The following CADPS variants were observed in gnomAD, a reference collection of about 807,000 sequenced individuals.
CADPS encodes the protein calcium dependent secretion activator, also known as calcium-dependent secretion activator 1.
In CADPS, 57 loss-of-function variants were observed where a neutral mutation model predicts 167.3. The ratio of observed to expected loss-of-function variants is 0.34; its 90% CI spans 0.28 to 0.42. CADPS has a LOEUF of 0.42. Ranked by LOEUF, CADPS falls within the 20% of genes least tolerant of loss-of-function variation. CADPS has a pLI of 1.00. For missense variants in CADPS, 1,414 were observed against 1,738.1 expected, an observed-to-expected ratio of 0.81 and a Z score of 3.32; for synonymous variants, 676 against 635.3, an observed-to-expected ratio of 1.06 and a Z score of -0.96.
At chr3:62,616,765 G>T (rs2062377261) in intron 6 of CADPS, among the ~76,000 whole-genome samples, 1 of 152,106 alleles carries the variant, frequency 6.6e-6, no homozygotes, top group South Asian at 2.1e-4. Flanking sequence ...TACATATGAG[G>T]TGTCAAAGAG....
At chr3:62,840,211 A>G (rs1203154937) in intron 1 of CADPS, among the ~76,000 whole-genome samples, 1 of 152,194 alleles carries the variant, frequency 6.6e-6, no homozygotes, top group Non-Finnish European at 1.5e-5. Context: ...ATCTACTTCA[A>G]TGGGGATAAT....
rs189524844 is a variant in CADPS at position 62,557,722 on chromosome 3, C to T, written c.1645-209G>A. Reference sequence around the variant, plus strand: ...CTGTAGACTGGATACAATCTTAGAACCTACCTCATTGGCTTACTGTGAAGA... The same window carrying T: ...CTGTAGACTGGATACAATCTTAGAATCTACCTCATTGGCTTACTGTGAAGA... On this transcript the variant is annotated intron_variant, in intron 9 of 29. Transcript: ENST00000383710. Among the ~76,000 whole-genome samples, 441 of 152,326 alleles carry T rather than the reference C, an allele frequency of 2.9e-3. 2 individuals are homozygous for T. Among genetic ancestry groups the T allele is most frequent in the African/African-American group, 9.6e-3 (401 of 41,576 alleles).
At chr3:62,710,929 C>A (rs2083280764) in intron 3 of CADPS, among the ~76,000 whole-genome samples, 1 of 152,146 alleles carries the variant, frequency 6.6e-6, no homozygotes, top group Non-Finnish European at 1.5e-5. Context: ...TCCTCTGTGC[C>A]TATTCCTTCA....
chr3:62,750,662 G>A (rs1211141848), intron 3 of CADPS, among the ~76,000 whole-genome samples: 2 of 152,112 alleles, frequency 1.3e-5, no homozygotes, highest in Non-Finnish European at 2.9e-5. Context: ...TTAGAGATAA[G>A]CACAGTTAAC....
At chr3:62,658,516 T>A (rs2072306235) in intron 4 of CADPS, among the ~76,000 whole-genome samples, 1 of 152,154 alleles carries the variant, frequency 6.6e-6, no homozygotes, top group Non-Finnish European at 1.5e-5. Context: ...ATGTCTCTGC[T>A]TTAGCCTCCT....
At chr3:62,806,206 A>C (rs2094084731) in intron 1 of CADPS, among the ~76,000 whole-genome samples, 1 of 152,156 alleles carries the variant, frequency 6.6e-6, no homozygotes, top group African/African-American at 2.4e-5. Context: ...TTTGGGAGAC[A>C]AATTGTTCAG....
rs2058552353 is a variant in CADPS, at chr3:62,455,213, G to A, written c.3637-9416C>T. On this transcript the variant is annotated intron_variant, in intron 26 of 29. Transcript: ENST00000383710. The surrounding 1 kb of genome is among the most constrained non-coding windows in gnomAD (Gnocchi z 4.4). ...TCCAGTTTTCCTTTTCCTCATTTCT[G>A]TCCCAATCCCTCATTCCCAGAGAGG... is the stretch of plus-strand genomic sequence containing the variant. 6.8e-6 allele frequency among the ~76,000 whole-genome samples: 1 copy of A among 146,372 alleles called. No individual in the cohort carries two copies. The highest frequency in any genetic ancestry group is 2.5e-5 in the African/African-American group (1 of 39,378).
chr3:62,819,407 C>CGTGTGCGTGT (rs2094787391), intron 1 of CADPS, among the ~76,000 whole-genome samples: 1 of 143,986 alleles, frequency 6.9e-6, no homozygotes, highest in South Asian at 2.2e-4. Flanking sequence ...AATCTGTGTG[C>CGTGTGCGTGT]GTGTGTGTGT....
chr3:62,630,427 A>G (rs1579191070), intron 6 of CADPS, among the ~76,000 whole-genome samples: 1 of 151,928 alleles, frequency 6.6e-6, no homozygotes, highest in East Asian at 1.9e-4. Flanking sequence ...TGCAACTCCC[A>G]CCTCTCAGCT....
chr3:62,707,492 TTC>T (rs1449660423), intron 3 of CADPS, among the ~76,000 whole-genome samples: 2 of 152,092 alleles, frequency 1.3e-5, no homozygotes, highest in African/African-American at 2.4e-5. Flanking sequence ...AATAAACCCT[TTC>T]TGAATGAATG....
intron 4 of CADPS, among the ~76,000 whole-genome samples, chr3:62,653,531 A>G (rs537268327): frequency 6.6e-4 from 100 of 152,278 alleles, no homozygotes; most frequent in African/African-American, 2.3e-3. Flanking sequence ...TAATTAATCA[A>G]TCAATTGTGG....
At position 62,874,448 on chromosome 3, in the gene CADPS, G is replaced by C. The variant is rs2083277054; in HGVS notation, c.441+141C>G. The stretch of plus-strand genomic sequence containing the variant: ...CTGGGCGAGCCCGGCCGCTGGGAGG[G>C]GGCCTCGTAGCCCTTTCCCCAGGGC... On this transcript the variant is annotated intron_variant, in intron 1 of 29. Transcript: ENST00000383710. The surrounding 1 kb of genome is among the most constrained non-coding windows in gnomAD (Gnocchi z 7.1). 2.0e-5 allele frequency: 13 copies of C among 639,732 alleles called. No homozygotes were observed. The South Asian group carries it at 2.4e-4, about 12-fold the overall frequency. The allele number at this position is 639,732 out of a possible 1,614,324, so 39.6% of individuals were successfully genotyped here.
At chr3:62,566,685 T>A (rs1159157626) in intron 9 of CADPS, among the ~76,000 whole-genome samples, 4 of 152,166 alleles carry the variant, frequency 2.6e-5, no homozygotes, top group African/African-American at 9.7e-5. Flanking sequence ...AGGACAAGAA[T>A]TGAAAGAGAA....
chr3:62,741,755 T>C (rs11706313), intron 3 of CADPS, among the ~76,000 whole-genome samples: 11,337 of 152,032 alleles, frequency 0.075, 561 homozygotes, highest in Non-Finnish European at 0.11. Context: ...TCCAACACTG[T>C]ATCGGAAGTC....
rs772669319 is a variant in CADPS at position 62,516,118 on chromosome 3, C to G, written c.2522G>C (p.Cys841Ser). Reference sequence around the variant, plus strand: ...GTTGACTAACGCAGCCTGTTCCAGACATTTACGGATAACTGTTTTTACCTC... The same window carrying G: ...GTTGACTAACGCAGCCTGTTCCAGAGATTTACGGATAACTGTTTTTACCTC... ...QEEVKTVIRKCLEQAALVNYS... is the reference protein window; with the variant it reads ...QEEVKTVIRKSLEQAALVNYS... The change falls in exon 16 of 30, where the codon TGT (cysteine) becomes TCT (serine). Residue 841 changes from cysteine (C) to serine (S), a missense_variant. Transcript: ENST00000383710. 38 of 1,613,294 alleles carry G rather than the reference C, an allele frequency of 2.4e-5. No homozygotes were observed. In the South Asian group the frequency reaches 4.1e-4, roughly 17 times the overall value.
At chr3:62,671,641 G>T (rs912743026) in intron 3 of CADPS, among the ~76,000 whole-genome samples, 4 of 152,140 alleles carry the variant, frequency 2.6e-5, no homozygotes, top group Non-Finnish European at 4.4e-5. Context: ...ATACAAAGCA[G>T]TTCTCCCTCC....
Position 62,403,413 on chromosome 3 carries a change from C to T in CADPS, c.3778-228G>A, listed in dbSNP as rs141281981. 3.8e-4 allele frequency: 124 copies of T among 327,862 alleles called. No individual in the cohort carries two copies. The East Asian group carries it at 5.3e-3, about 14-fold the overall frequency. 20.3% of individuals were successfully genotyped at this position (327,862 alleles called of 1,614,324 possible). A position where few individuals can be genotyped will look rare whatever the true frequency, so the allele number is the denominator to read the frequency against. On this transcript the variant is annotated intron_variant, in intron 28 of 29. Transcript: ENST00000383710. ...AGACAATCTAAGACAGTTAGGACTT[C>T]GAATCTAATTGAACTCTTCCACGAC... is the stretch of plus-strand genomic sequence containing the variant.
chr3:62,705,111 C>T (rs1229853776), intron 3 of CADPS, among the ~76,000 whole-genome samples: 2 of 152,098 alleles, frequency 1.3e-5, no homozygotes, highest in Non-Finnish European at 2.9e-5. Flanking sequence ...CTCTGGGAGA[C>T]ACTAATGGAA....
At chr3:62,402,980 T>A in intron 29 of CADPS, 101 bp downstream of exon 29, 1 of 660,356 alleles carries the variant, frequency 1.5e-6, no homozygotes, top group Non-Finnish European at 2.5e-6. Context: ...CTATTTTATA[T>A]GTAAACTAAT....
Sources: gnomAD v4.1 joint callset for allele counts (sites outside exome capture counted in the v4.1 genomes callset) on GRCh38, gnomAD v4.1.1 for gene constraint, Gnocchi (gnomAD v3.1) non-coding constraint, MANE v1.5 for transcripts, NCBI Gene and HGNC (gene_info 2026-07-23, HGNC 2026-07-21) for gene names.